Variants in KCNK10 observed in about 807,000 individuals in gnomAD.
KCNK10 encodes the protein potassium two pore domain channel subfamily K member 10, also known as potassium channel subfamily K member 10.
In KCNK10, 25 loss-of-function variants were observed where a neutral mutation model predicts 47.7. That is an observed-to-expected ratio of 0.52 (90% CI 0.38 to 0.73). The LOEUF (loss-of-function observed/expected upper bound fraction) is 0.73. KCNK10 is among the 30% of genes least tolerant of loss of function. KCNK10 has a pLI of 0.00. For synonymous variants in KCNK10, 303 were observed against 285.6 expected, an observed-to-expected ratio of 1.06 and a Z score of -0.61; for missense variants, 563 against 714.5, an observed-to-expected ratio of 0.79 and a Z score of 2.42.
chr14:88,217,737 T>TC (rs991610129), intron 4 of KCNK10, among the ~76,000 whole-genome samples: 1 of 151,562 alleles, frequency 6.6e-6, no homozygotes. Context: ...ATCTTTTTTT[T>TC]TTTGAGACAG....
At position 88,182,962 on chromosome 14, in the gene KCNK10, A is replaced by C. The variant is rs1884420347; in HGVS notation, c.*2573T>G. On this transcript the variant is annotated 3_prime_UTR_variant, in exon 7 of 7. Transcript: ENST00000319231. ...CAACCCTTTGAGCCATGTTTACACA[A>C]AGACCTTGTGCCCTCTTGGTGGTGG... 1 of 152,332 alleles carries C rather than the reference A, an allele frequency of 6.6e-6. No individual in the cohort carries two copies. The highest frequency in any genetic ancestry group is 6.5e-5 in the Admixed American group (1 of 15,278). 9.4% of individuals were successfully genotyped at this position (152,332 alleles called of 1,614,324 possible).
rs1287800265 is a variant in KCNK10, at chr14:88,291,284, T to C, written c.53-27733A>G. ...ACCTGCTTTATATACTGAGCTTCCC[T>C]GACAGCTTTCATTCAAAGAGAGGGT... On this transcript the variant is annotated intron_variant, in intron 1 of 6. Coordinates refer to ENST00000319231, the MANE Select transcript of KCNK10 (RefSeq NM_138317.3). Among the ~76,000 whole-genome samples the C allele has an allele frequency of 3.3e-5, 5 of 152,134 alleles. No individual in the cohort carries two copies. In the East Asian group the frequency reaches 9.6e-4, roughly 29 times the overall value.
rs1031898878 is a variant in KCNK10, at chr14:88,180,964, T to A, written c.*4571A>T. ...AAGGCCATTACTAGCCAGCTCTTACTGTTCACTCAGCCACTGTCTTTGCAC... is the reference window on the plus strand; with the variant it reads ...AAGGCCATTACTAGCCAGCTCTTACAGTTCACTCAGCCACTGTCTTTGCAC... On this transcript the variant is annotated 3_prime_UTR_variant, in exon 7 of 7. Transcript: ENST00000319231. 3.3e-5 allele frequency: 13 copies of A among 397,456 alleles called. No homozygotes were observed. The highest frequency in any genetic ancestry group is 6.2e-4 in the Middle Eastern group (1 of 1,608). The allele number at this position is 397,456 out of a possible 1,614,324, so 24.6% of individuals were successfully genotyped here.
chr14:88,297,201 A>G (rs970405838), intron 1 of KCNK10, among the ~76,000 whole-genome samples: 7 of 152,230 alleles, frequency 4.6e-5, no homozygotes, highest in African/African-American at 1.7e-4. Flanking sequence ...CCACATTATA[A>G]TGAGGTTCTA....
At chr14:88,213,514 T>C (rs1052861519) in intron 4 of KCNK10, among the ~76,000 whole-genome samples, 3 of 152,160 alleles carry the variant, frequency 2.0e-5, no homozygotes, top group South Asian at 2.1e-4. Flanking sequence ...CAAAAGCACC[T>C]GGAATCTTTA....
At chr14:88,308,750 A>T (rs576923458) in intron 1 of KCNK10, among the ~76,000 whole-genome samples, 2 of 152,342 alleles carry the variant, frequency 1.3e-5, no homozygotes, top group African/African-American at 4.8e-5. Context: ...CCTAATTAAC[A>T]CAGATTCTTC....
At chr14:88,189,402 G>A (rs998633961) in intron 5 of KCNK10, among the ~76,000 whole-genome samples, 1 of 152,200 alleles carries the variant, frequency 6.6e-6, no homozygotes, top group Non-Finnish European at 1.5e-5. Flanking sequence ...GCACCAGTAA[G>A]TGGTTTTTGA....
chr14:88,247,403 A>G (rs1220282483), intron 2 of KCNK10, among the ~76,000 whole-genome samples: 1 of 152,218 alleles, frequency 6.6e-6, no homozygotes, highest in Non-Finnish European at 1.5e-5. Context: ...AGAGTCCCTC[A>G]TAAAAAGCAG....
chr14:88,276,108 G>C (rs11851612), intron 1 of KCNK10, among the ~76,000 whole-genome samples: 41,353 of 151,824 alleles, frequency 0.27, 6,751 homozygotes, highest in Non-Finnish European at 0.36. Context: ...CAGTTGAAGC[G>C]ATTACTGCTA....
chr14:88,282,445 A>T (rs114404899), intron 1 of KCNK10, among the ~76,000 whole-genome samples: 1,992 of 152,340 alleles, frequency 0.013, 38 homozygotes, highest in African/African-American at 0.046. Flanking sequence ...GTCCTTTGAT[A>T]ATTCCAAATC....
At chr14:88,251,864 TTCC>T (rs1348456163) in intron 2 of KCNK10, among the ~76,000 whole-genome samples, 1 of 152,220 alleles carries the variant, frequency 6.6e-6, no homozygotes, top group Admixed American at 6.5e-5. Flanking sequence ...GGCATGTTGC[TTCC>T]TCCCATCCAG....
chr14:88,197,115 C>A (rs1044581509), intron 4 of KCNK10, among the ~76,000 whole-genome samples: 4 of 152,104 alleles, frequency 2.6e-5, no homozygotes, highest in African/African-American at 9.7e-5. Flanking sequence ...AAGTTTATAT[C>A]CAGCTTCTGA....
intron 3 of KCNK10, among the ~76,000 whole-genome samples, chr14:88,233,312 G>A (rs1386990428): frequency 1.3e-5 from 2 of 152,068 alleles, no homozygotes; most frequent in African/African-American, 4.8e-5. Flanking sequence ...ACAACCCAAG[G>A]GGAAAAAAAT....
rs985320568 is a variant in KCNK10, at chr14:88,323,218, G to C, written c.-420C>G. On this transcript the variant is annotated 5_prime_UTR_variant, in exon 1 of 7. Transcript: ENST00000319231. ...CACTCCAGCCCCCGAAGGCGTGTGCGCACACACTCCCGCACACACACACCC... is the reference window on the plus strand; with the variant it reads ...CACTCCAGCCCCCGAAGGCGTGTGCCCACACACTCCCGCACACACACACCC... 9 of 1,028,962 alleles carry C rather than the reference G, an allele frequency of 8.7e-6. No homozygotes were observed. Among genetic ancestry groups the C allele is most frequent in the Non-Finnish European group, 1.1e-5 (9 of 856,150 alleles). The allele number at this position is 1,028,962 out of a possible 1,614,324, so 63.7% of individuals were successfully genotyped here.
chr14:88,233,433 C>A (rs760095696), intron 3 of KCNK10, among the ~76,000 whole-genome samples: 33 of 152,212 alleles, frequency 2.2e-4, no homozygotes, highest in Non-Finnish European at 4.1e-4. Context: ...ATATGTCCAT[C>A]TTTGAACTAA....
intron 2 of KCNK10, among the ~76,000 whole-genome samples, chr14:88,242,031 G>A (rs933810428): frequency 6.6e-6 from 1 of 152,224 alleles, no homozygotes; most frequent in Admixed American, 6.5e-5. Flanking sequence ...TGGAGAGGAG[G>A]TGACAGACAC....
At chr14:88,198,592 C>T (rs1435722154) in intron 4 of KCNK10, among the ~76,000 whole-genome samples, 1 of 152,210 alleles carries the variant, frequency 6.6e-6, no homozygotes, top group East Asian at 1.9e-4. Flanking sequence ...CTAAGCAGTG[C>T]ACAGGAGTGA....
At chr14:88,320,490 G>C (rs1446437662) in intron 1 of KCNK10, among the ~76,000 whole-genome samples, 1 of 152,112 alleles carries the variant, frequency 6.6e-6, no homozygotes, top group African/African-American at 2.4e-5. Flanking sequence ...CCTGACCCCA[G>C]CACTTAGACA....
At chr14:88,192,103 G>T in intron 5 of KCNK10, 121 bp downstream of exon 5, 1 of 891,156 alleles carries the variant, frequency 1.1e-6, no homozygotes, top group Non-Finnish European at 1.7e-6. Flanking sequence ...CACAGCAGTA[G>T]TGACACTGAG....
Sources: allele counts gnomAD v4.1 joint callset (sites outside exome capture counted in the v4.1 genomes callset), GRCh38; gene constraint gnomAD v4.1.1; transcripts MANE v1.5; gene names NCBI Gene and HGNC (gene_info 2026-07-23, HGNC 2026-07-21).